MRC1: variants seen among roughly 807,000 people sequenced by gnomAD.
The protein encoded by MRC1 is mannose receptor C-type 1.
MRC1 carries 62 observed loss-of-function variants against 102.9 expected under a neutral mutation model. The observed-to-expected ratio is 0.60, with a 90% CI of 0.49 to 0.74. MRC1 has a LOEUF of 0.74. Ranked by LOEUF, MRC1 falls within the 30% of genes least tolerant of loss-of-function variation. The pLI is 0.00. For synonymous variants in MRC1, 457 were observed against 298.4 expected, an observed-to-expected ratio of 1.53 and a Z score of -5.48; for missense variants, 1,237 against 862.8, an observed-to-expected ratio of 1.43 and a Z score of -5.43.
At chr10:17,855,101 A>G (rs1833062726) in intron 8 of MRC1, among the ~76,000 whole-genome samples, 1 of 152,204 alleles carries the variant, frequency 6.6e-6, no homozygotes, top group East Asian at 1.9e-4. Flanking sequence ...AATAAAGTGG[A>G]AGGTTGAGCC....
rs1240742159 is a variant in MRC1, at chr10:17,833,726, A to G, written c.689A>G (p.Tyr230Cys). Reference sequence around the variant, plus strand: ...AAAGACCCGCTGACCAGCGTTTCCTACCAGATAAACTCCAAATCCGCTTTA... The same window carrying G: ...AAAGACCCGCTGACCAGCGTTTCCTGCCAGATAAACTCCAAATCCGCTTTA... The part of the protein sequence containing the change: ...WNKDPLTSVS[Y>C]QINSKSALTW... Residue 230 changes from tyrosine (Y) to cysteine (C), a missense_variant, in exon 4 of 30, where the codon TAC (tyrosine) becomes TGC (cysteine). By Grantham distance (194) the Tyr-to-Cys change is radical. Transcript: ENST00000569591. 5.1e-6 allele frequency: 4 copies of G among 781,082 alleles called. No homozygotes were observed. The highest frequency in any genetic ancestry group is 9.6e-6 in the Non-Finnish European group (4 of 418,136). The allele number at this position is 781,082 out of a possible 1,614,324, so 48.4% of individuals were successfully genotyped here.
At chr10:17,876,734 A>G (rs1833442793) in intron 17 of MRC1, among the ~76,000 whole-genome samples, 1 of 152,230 alleles carries the variant, frequency 6.6e-6, no homozygotes, top group Non-Finnish European at 1.5e-5. Context: ...TACATGGCCC[A>G]AATTGTTAGC....
intron 4 of MRC1, among the ~76,000 whole-genome samples, chr10:17,837,279 C>T (rs1554839536): frequency 6.6e-6 from 1 of 152,206 alleles, no homozygotes; most frequent in Non-Finnish European, 1.5e-5. Flanking sequence ...ATAAGAATGG[C>T]ATCTCTAACG....
chr10:17,892,683 A>G lies in MRC1; in HGVS notation c.3148-1527A>G, dbSNP rs797043981. 1.1e-3 allele frequency among the ~76,000 whole-genome samples: 174 copies of G among 152,244 alleles called. 4 individuals are homozygous for G. The South Asian group carries it at 0.034, about 30-fold the overall frequency. On this transcript the variant is annotated intron_variant, in intron 22 of 29. Coordinates refer to ENST00000569591, the MANE Select transcript of MRC1 (RefSeq NM_002438.4). ...TTACTTTAAAAGAAAACTTCTTTTT[A>G]GAAGAAAGTAGAAAATTGATATAGT...
intron 15 of MRC1, among the ~76,000 whole-genome samples, chr10:17,872,999 G>A (rs1200928173): frequency 6.6e-6 from 1 of 152,164 alleles, no homozygotes; most frequent in Non-Finnish European, 1.5e-5. Flanking sequence ...AAAGTTTCCA[G>A]AATAGAAGAA....
rs1833913524 is a variant in MRC1, at chr10:17,907,612, A to T, written c.3992A>T (p.Asp1331Val). 1 of 780,764 alleles carries T rather than the reference A, an allele frequency of 1.3e-6. No homozygotes were observed. Among genetic ancestry groups the T allele is most frequent in the Non-Finnish European group, 2.4e-6 (1 of 417,970 alleles). The allele number at this position is 780,764 out of a possible 1,614,324, so 48.4% of individuals were successfully genotyped here. Residue 1331 changes from aspartate to valine, a missense_variant, in exon 28 of 30, where the codon GAT becomes GTT. By Grantham distance (152) the Asp-to-Val change is radical. Coordinates refer to ENST00000569591, the MANE Select transcript of MRC1 (RefSeq NM_002438.4). ...NTGDPSGERNDCVALHASSGF... is the reference protein window; with the variant it reads ...NTGDPSGERNVCVALHASSGF... Reference sequence around the variant, plus strand: ...GGAGATCCCTCTGGTGAACGGAATGATTGTGTAGCTTTACATGCGTCTTCT... The same window carrying T: ...GGAGATCCCTCTGGTGAACGGAATGTTTGTGTAGCTTTACATGCGTCTTCT...
At position 17,907,070 on chromosome 10, in the gene MRC1, C is replaced by T. The variant is rs922889127; in HGVS notation, c.3913+71C>T. 43 of 760,558 alleles carry T rather than the reference C, an allele frequency of 5.7e-5. No homozygotes were observed. In the African/African-American group the frequency reaches 6.5e-4, roughly 12 times the overall value. The allele number at this position is 760,558 out of a possible 1,614,324, so 47.1% of individuals were successfully genotyped here. ...TTGTATGTAAAACAAGGTTTCGTTT[C>T]CAAAATGTGTTGCCTTAAAAATGAT... On this transcript the variant is annotated intron_variant, in intron 27 of 29. Transcript: ENST00000569591.
Position 17,910,615 on chromosome 10 carries a change from C to T in MRC1, c.*150C>T. ...CTTTGCCTAATTGAAGAAATAATTG[C>T]TTGTTTTCTAGCCTGGCAAGATATT... On this transcript the variant is annotated 3_prime_UTR_variant, in exon 30 of 30. Coordinates refer to ENST00000569591, the MANE Select transcript of MRC1 (RefSeq NM_002438.4). The T allele has an allele frequency of 1.4e-6, 1 of 706,278 alleles. No homozygotes were observed. Among genetic ancestry groups the T allele is most frequent in the East Asian group, 2.5e-5 (1 of 40,596 alleles). 43.8% of individuals were successfully genotyped at this position (706,278 alleles called of 1,614,324 possible). A position where few individuals can be genotyped will look rare whatever the true frequency, so the allele number is the denominator to read the frequency against.
intron 6 of MRC1, among the ~76,000 whole-genome samples, chr10:17,848,091 G>T (rs1838853707): frequency 6.6e-6 from 1 of 152,010 alleles, no homozygotes; most frequent in Non-Finnish European, 1.5e-5. Context: ...CTTAAACAAT[G>T]ATGTTTCAGA....
chr10:17,888,177 A>G (rs1001703336), intron 22 of MRC1, among the ~76,000 whole-genome samples: 14 of 152,220 alleles, frequency 9.2e-5, no homozygotes, highest in African/African-American at 3.1e-4. Flanking sequence ...AGAATGGGAG[A>G]GAACTTTTAA....
chr10:17,894,370 TTTTCTTTCTTTCTTTC>T (rs1206483130), intron 23 of MRC1, 58 bp downstream of exon 23: 1 of 778,650 alleles, frequency 1.3e-6, no homozygotes, highest in East Asian at 2.5e-5. Flanking sequence ...TTCCCCACTT[TTTTCTTTCTTTCTTTC>T]TTTCTTTCTT....
chr10:17,823,163 C>T lies in MRC1; in HGVS notation c.151C>T (p.Gln51Ter), dbSNP rs1554838385. 1.3e-6 allele frequency: 1 copy of T among 780,814 alleles called. No individual in the cohort carries two copies. 48.4% of individuals were successfully genotyped at this position (780,814 alleles called of 1,614,324 possible). Residue 51 changes from glutamine to a stop codon, truncating the protein, a stop_gained, in exon 2 of 30, where the codon CAG becomes TAG. Coordinates refer to ENST00000569591, the MANE Select transcript of MRC1 (RefSeq NM_002438.4). LOFTEE classifies it high-confidence loss of function. ...TGCCGTCCAAACCGCAGCTTGCAACCAGGATGCCGAATCACAGAAATTCCG... is the reference window on the plus strand; with the variant it reads ...TGCCGTCCAAACCGCAGCTTGCAACTAGGATGCCGAATCACAGAAATTCCG... ...PSAVQTAACN[Q>*]DAESQKFRWV...
intron 3 of MRC1, among the ~76,000 whole-genome samples, chr10:17,832,682 G>A (rs1034816954): frequency 1.3e-5 from 2 of 150,756 alleles, no homozygotes; most frequent in Admixed American, 1.3e-4. Context: ...CCGCCTCCCG[G>A]GTTCACGCCA....
rs1833413580 is a variant in MRC1, at chr10:17,875,267, T to A, written c.2550+14T>A. On this transcript the variant is annotated intron_variant, in intron 17 of 29. Transcript: ENST00000569591. ...CTATGGAAATATGTAAGGACATCAA[T>A]CATTTTTTAAAATTTTAATAGTTTT... The A allele has an allele frequency of 1.3e-6, 1 of 778,740 alleles. No individual in the cohort carries two copies. Among genetic ancestry groups the A allele is most frequent in the Admixed American group, 1.7e-5 (1 of 58,552 alleles). The allele number at this position is 778,740 out of a possible 1,614,324, so 48.2% of individuals were successfully genotyped here.
chr10:17,892,023 G>A (rs1423979370), intron 22 of MRC1, among the ~76,000 whole-genome samples: 1 of 152,182 alleles, frequency 6.6e-6, no homozygotes, highest in Non-Finnish European at 1.5e-5. Flanking sequence ...AGCTAGAGAG[G>A]CTGGAGTTGA....
chr10:17,901,727 C>T (rs1050958956), intron 25 of MRC1, among the ~76,000 whole-genome samples: 5 of 151,844 alleles, frequency 3.3e-5, no homozygotes, highest in African/African-American at 1.2e-4. Context: ...ATCTATAGAT[C>T]GATTGTCTTA....
In MRC1 at chr10:17,875,272, T is replaced by C; in HGVS notation, c.2550+19T>C. ...GAAATATGTAAGGACATCAATCATT[T>C]TTTAAAATTTTAATAGTTTTTGGGG... On this transcript the variant is annotated intron_variant, in intron 17 of 29. Transcript: ENST00000569591. 1.3e-6 allele frequency: 1 copy of C among 778,682 alleles called. No individual in the cohort carries two copies. The allele number at this position is 778,682 out of a possible 1,614,324, so 48.2% of individuals were successfully genotyped here.
intron 1 of MRC1, among the ~76,000 whole-genome samples, chr10:17,821,900 C>G (rs1449470383): frequency 6.6e-6 from 1 of 152,162 alleles, no homozygotes; most frequent in Non-Finnish European, 1.5e-5. Context: ...AAGGTGAATG[C>G]ATGGAATTTA....
At chr10:17,867,118 C>G (rs906487421) in intron 12 of MRC1, among the ~76,000 whole-genome samples, 4 of 141,734 alleles carry the variant, frequency 2.8e-5, no homozygotes, top group Non-Finnish European at 1.5e-5. Context: ...ACCCCCTTAC[C>G]CTCCCTTCCT....
Sources: gnomAD v4.1 joint callset for allele counts (sites outside exome capture counted in the v4.1 genomes callset) on GRCh38, gnomAD v4.1.1 for gene constraint, MANE v1.5 for transcripts, NCBI Gene and HGNC (gene_info 2026-07-23, HGNC 2026-07-21) for gene names.